Variants in NAGS observed in about 807,000 individuals in gnomAD.
NAGS encodes N-acetylglutamate synthase, mitochondrial.
Under a neutral mutation model 46.9 loss-of-function variants are expected in NAGS, and 34 were observed. The ratio of observed to expected loss-of-function variants is 0.72; its 90% confidence interval spans 0.55 to 0.97. The LOEUF is 0.97. Ranked by LOEUF, NAGS falls within the 50% of genes least tolerant of loss-of-function variation. The pLI is 0.00. For synonymous variants in NAGS, 334 were observed against 346.3 expected (o/e 0.96, Z 0.39); for missense variants, 665 against 747.0 (o/e 0.89, Z 1.28).
chr17:44,005,080 C>G lies in NAGS; in HGVS notation c.417C>G (p.Ala139=). 1 of 1,571,208 alleles carries G rather than the reference C, an allele frequency of 6.4e-7. No homozygotes were observed. The highest frequency in any genetic ancestry group is 8.6e-7 in the Non-Finnish European group (1 of 1,162,518). Residue 139 remains alanine, a synonymous_variant, in exon 1 of 7, where the codon GCC becomes GCG. Transcript: ENST00000293404. This position sits in a 1 kb window ranked among gnomAD's most constrained non-coding sequence, Gnocchi z 7.2. The part of the protein sequence containing the change: ...TCHHSADKPF[A]VIEVDEEVLK... ...ATCACTCCGCGGACAAGCCCTTCGC[C>G]GTCATCGAGGTGAGCGGAGCCCGGC... is the stretch of plus-strand genomic sequence containing the variant.
rs764374192 is a variant in NAGS at position 44,005,723 on chromosome 17, G to T, written c.513G>T (p.Pro171=). The T allele has an allele frequency of 1.9e-6, 3 of 1,596,074 alleles. No homozygotes were observed. The highest frequency in any genetic ancestry group is 2.6e-6 in the Non-Finnish European group (3 of 1,171,834). The stretch of plus-strand genomic sequence containing the variant: ...TCTTGCAGCGCATGGACATGAAGCC[G>T]CTGGTGGTCCTGGGGCTGCCGGCCC... ...LAFLQRMDMK[P]LVVLGLPAPT... Residue 171 remains proline (P), a synonymous_variant, in exon 2 of 7, where the codon CCG becomes CCT. Coordinates refer to ENST00000293404, the MANE Select transcript of NAGS (RefSeq NM_153006.3). The surrounding 1 kb of genome is among the most constrained non-coding windows in gnomAD (Gnocchi z 7.2).
In NAGS at chr17:44,004,956, G is replaced by T. The variant is rs1200106144; in HGVS notation, c.293G>T (p.Gly98Val). The change falls in exon 1 of 7, where the codon GGC (glycine) becomes GTC (valine). Residue 98 changes from glycine to valine, a missense_variant. Transcript: ENST00000293404. ...VPHESPEPPS[G>V]RSLVQRDIQA... is the part of the protein sequence containing the mutation. Reference sequence around the variant, plus strand: ...CACGAGTCCCCAGAGCCTCCTTCGGGCCGCTCGCTGGTGCAGCGGGACATC... The same window carrying T: ...CACGAGTCCCCAGAGCCTCCTTCGGTCCGCTCGCTGGTGCAGCGGGACATC... 1 of 1,538,036 alleles carries T rather than the reference G, an allele frequency of 6.5e-7. No homozygotes were observed.
At position 44,008,599 on chromosome 17, in the gene NAGS, T is replaced by C. The variant is rs1447212849; in HGVS notation, c.1603T>C (p.Ter535ArgextTer23). The C allele has an allele frequency of 1.2e-6, 2 of 1,613,520 alleles. No individual in the cohort carries two copies. The highest frequency in any genetic ancestry group is 1.7e-6 in the Non-Finnish European group (2 of 1,179,804). ...FHKPASDPGS[*>R] ...CAAGCCAGCTTCTGACCCAGGCAGC[T>C]GACCCTCACCATGGACACTACAGGC... The change falls in exon 7 of 7, where the codon TGA (stop) becomes CGA (arginine). Residue 535 changes from the stop codon to arginine, a stop_lost. Transcript: ENST00000293404.
chr17:44,007,208 G>A lies in NAGS; in HGVS notation c.1097-115G>A. On this transcript the variant is annotated intron_variant, in intron 4 of 6. Transcript: ENST00000293404. This position sits in a 1 kb window ranked among gnomAD's most constrained non-coding sequence, Gnocchi z 5.1. ...TGCAGACCACTGAAATCATTTCACT[G>A]TGGAGGTCTCCCAAAGACGGAAATT... 2.2e-6 allele frequency: 2 copies of A among 897,424 alleles called. No individual in the cohort carries two copies. The highest frequency in any genetic ancestry group is 1.7e-6 in the Non-Finnish European group (1 of 582,980). The allele number at this position is 897,424 out of a possible 1,614,324, so 55.6% of individuals were successfully genotyped here. A position where few individuals can be genotyped will look rare whatever the true frequency, so the allele number is the denominator to read the frequency against.
In NAGS at chr17:44,007,617, T is replaced by C. The variant is rs770559942; in HGVS notation, c.1295T>C (p.Met432Thr). 1 of 1,607,720 alleles carries C rather than the reference T, an allele frequency of 6.2e-7. No individual in the cohort carries two copies. The highest frequency in any genetic ancestry group is 2.2e-5 in the East Asian group (1 of 44,550). ...TACAACGCCGCCGCCATTCTGACCATGGAGCCCGTCCTGGGGGGCACCCCG... is the reference window on the plus strand; with the variant it reads ...TACAACGCCGCCGCCATTCTGACCACGGAGCCCGTCCTGGGGGGCACCCCG... The part of the protein sequence containing the change: ...EGYNAAAILT[M>T]EPVLGGTPYL... Residue 432 changes from methionine (M) to threonine (T), a missense_variant, in exon 6 of 7, where the codon ATG (methionine) becomes ACG (threonine). Physicochemically the swap from Met to Thr is moderately conservative, Grantham distance 81. Coordinates refer to ENST00000293404, the MANE Select transcript of NAGS (RefSeq NM_153006.3). This position sits in a 1 kb window ranked among gnomAD's most constrained non-coding sequence, Gnocchi z 5.1.
At position 44,006,906 on chromosome 17, in the gene NAGS, G is replaced by C; in HGVS notation, c.1096+197G>C. On this transcript the variant is annotated intron_variant, in intron 4 of 6. Transcript: ENST00000293404. This position sits in a 1 kb window ranked among gnomAD's most constrained non-coding sequence, Gnocchi z 4.8. ...AGGAGGAGACCCAGTGTACTGGAAG[G>C]GAACTCCGAAGGAATTAAAGGAATG... 1.6e-6 allele frequency: 1 copy of C among 619,650 alleles called. No individual in the cohort carries two copies. Among genetic ancestry groups the C allele is most frequent in the South Asian group, 2.1e-5 (1 of 47,392 alleles). The allele number at this position is 619,650 out of a possible 1,614,324, so 38.4% of individuals were successfully genotyped here. A position where few individuals can be genotyped will look rare whatever the true frequency, so the allele number is the denominator to read the frequency against.
At position 44,004,713 on chromosome 17, in the gene NAGS, C is replaced by A; in HGVS notation, c.50C>A (p.Pro17Gln). Residue 17 changes from proline to glutamine, a missense_variant, in exon 1 of 7, where the codon CCG becomes CAG. Pro to Gln is a moderately conservative substitution (Grantham distance 76). Transcript: ENST00000293404. ...AVVLRAAAVA[P>Q]RLRGRGGTGG... Reference sequence around the variant, plus strand: ...GTTCTGCGGGCAGCTGCTGTAGCCCCGAGGCTGAGAGGCCGGGGAGGCACT... The same window carrying A: ...GTTCTGCGGGCAGCTGCTGTAGCCCAGAGGCTGAGAGGCCGGGGAGGCACT... 1 of 1,506,752 alleles carries A rather than the reference C, an allele frequency of 6.6e-7. No individual in the cohort carries two copies. 93.3% of individuals were successfully genotyped at this position (1,506,752 alleles called of 1,614,324 possible). A position where few individuals can be genotyped will look rare whatever the true frequency, so the allele number is the denominator to read the frequency against.
chr17:44,006,725 G>C lies in NAGS; in HGVS notation c.1096+16G>C, dbSNP rs1567943227. On this transcript the variant is annotated intron_variant, in intron 4 of 6. Coordinates refer to ENST00000293404, the MANE Select transcript of NAGS (RefSeq NM_153006.3). This position sits in a 1 kb window ranked among gnomAD's most constrained non-coding sequence, Gnocchi z 4.8. The stretch of plus-strand genomic sequence containing the variant: ...AGCAACAAGGGTGAGGGCGGTGGGC[G>C]GGCCGGGGACTGGGTCCCGGGAGTG... The C allele has an allele frequency of 6.3e-7, 1 of 1,588,610 alleles. No homozygotes were observed. Among genetic ancestry groups the C allele is most frequent in the Non-Finnish European group, 8.6e-7 (1 of 1,164,048 alleles).
At position 44,006,221 on chromosome 17, in the gene NAGS, G is replaced by C. The variant is rs760596223; in HGVS notation, c.899G>C (p.Arg300Pro). The change falls in exon 3 of 7, where the codon CGC becomes CCC. Residue 300 changes from arginine (R) to proline (P), a missense_variant. Coordinates refer to ENST00000293404, the MANE Select transcript of NAGS (RefSeq NM_153006.3). The surrounding 1 kb of genome is among the most constrained non-coding windows in gnomAD (Gnocchi z 4.8). ...IIFLNNTGGL[R>P]DSSHKVLSNV... is the part of the protein sequence containing the mutation. ...TTCCTCAATAACACAGGCGGCCTGC[G>C]CGACAGCAGTCATAAGGTGCGGCCC... is the stretch of plus-strand genomic sequence containing the variant. 1.2e-6 allele frequency: 2 copies of C among 1,613,216 alleles called. No individual in the cohort carries two copies. The highest frequency in any genetic ancestry group is 1.7e-5 in the Admixed American group (1 of 60,022).
In NAGS at chr17:44,007,299, T is replaced by C. The variant is rs765529686; in HGVS notation, c.1097-24T>C. 3.7e-6 allele frequency: 6 copies of C among 1,612,638 alleles called. No homozygotes were observed. The highest frequency in any genetic ancestry group is 5.1e-6 in the Non-Finnish European group (6 of 1,179,466). On this transcript the variant is annotated intron_variant, in intron 4 of 6. Transcript: ENST00000293404. This position sits in a 1 kb window ranked among gnomAD's most constrained non-coding sequence, Gnocchi z 5.1. ...TGCGCAAACGGCCCTCCAGCCAGAC[T>C]AGCCCCTCCCCATCCTCCTCCAGGG...
In NAGS at chr17:44,005,062, C is replaced by T. The variant is rs1395771233; in HGVS notation, c.399C>T (p.Ser133=). The T allele has an allele frequency of 1.3e-6, 2 of 1,573,646 alleles. No individual in the cohort carries two copies. The highest frequency in any genetic ancestry group is 1.3e-5 in the African/African-American group (1 of 74,316). The change falls in exon 1 of 7, where the codon TCC becomes TCT. Residue 133 remains serine, a synonymous_variant. Coordinates refer to ENST00000293404, the MANE Select transcript of NAGS (RefSeq NM_153006.3). The surrounding 1 kb of genome is among the most constrained non-coding windows in gnomAD (Gnocchi z 7.2). ...CGCAGTTCCAGACCTGCCATCACTC[C>T]GCGGACAAGCCCTTCGCCGTCATCG... ...WLTQFQTCHH[S]ADKPFAVIEV...
Position 44,004,747 on chromosome 17 carries a change from C to A in NAGS, c.84C>A (p.Ala28=). The change falls in exon 1 of 7, where the codon GCC becomes GCA. Residue 28 remains alanine (A), a synonymous_variant. Coordinates refer to ENST00000293404, the MANE Select transcript of NAGS (RefSeq NM_153006.3). ...GAGGCCGGGGAGGCACTGGGGGCGC[C>A]CGAAGGCTGAGCTGTGGCGCGCGGC... ...RLRGRGGTGG[A]RRLSCGARRR... is the part of the protein sequence containing the mutation. 6.9e-7 allele frequency: 1 copy of A among 1,459,384 alleles called. No individual in the cohort carries two copies. The highest frequency in any genetic ancestry group is 9.0e-7 in the Non-Finnish European group (1 of 1,106,840). The allele number at this position is 1,459,384 out of a possible 1,614,324, so 90.4% of individuals were successfully genotyped here.
chr17:44,007,447 C>T lies in NAGS; in HGVS notation c.1221C>T (p.Tyr407=). ...TCGGCAAGAAGCTCAGGGACGACTA[C>T]CTGGCCTCGCTGCGCCCGCGGCTGC... ...ASFGKKLRDD[Y]LASLRPRLHS... The change falls in exon 5 of 7, where the codon TAC becomes TAT. Residue 407 remains tyrosine, a synonymous_variant. Transcript: ENST00000293404. This position sits in a 1 kb window ranked among gnomAD's most constrained non-coding sequence, Gnocchi z 5.1. The T allele has an allele frequency of 6.2e-7, 1 of 1,613,896 alleles. No individual in the cohort carries two copies. Among genetic ancestry groups the T allele is most frequent in the African/African-American group, 1.3e-5 (1 of 75,048 alleles).
At position 44,005,833 on chromosome 17, in the gene NAGS, G is replaced by A; in HGVS notation, c.623G>A (p.Arg208Gln). The change falls in exon 2 of 7, where the codon CGA (arginine) becomes CAA (glutamine). Residue 208 changes from arginine (R) to glutamine (Q), a missense_variant. By Grantham distance (43) the Arg-to-Gln change is conservative. Transcript: ENST00000293404. This position sits in a 1 kb window ranked among gnomAD's most constrained non-coding sequence, Gnocchi z 7.2. ...TGCAAGGTGCTGGTAGACGCGCTTC[G>A]ACACAACGCCGCCGCTGCTGTGCCA... ...KSCKVLVDALRHNAAAAVPFF... is the reference protein window; with the variant it reads ...KSCKVLVDALQHNAAAAVPFF... 6.4e-7 allele frequency: 1 copy of A among 1,571,216 alleles called. No homozygotes were observed. The highest frequency in any genetic ancestry group is 8.6e-7 in the Non-Finnish European group (1 of 1,159,844).
In NAGS at chr17:44,005,855, G is replaced by T. The variant is rs766418377; in HGVS notation, c.645G>T (p.Val215=). The part of the protein sequence containing the change: ...DALRHNAAAA[V]PFFGGGSVLR... Reference sequence around the variant, plus strand: ...TTCGACACAACGCCGCCGCTGCTGTGCCATTTTTTGGCGGCGGGTCTGTGC... The same window carrying T: ...TTCGACACAACGCCGCCGCTGCTGTTCCATTTTTTGGCGGCGGGTCTGTGC... Residue 215 remains valine, a synonymous_variant, in exon 2 of 7, where the codon GTG becomes GTT. Coordinates refer to ENST00000293404, the MANE Select transcript of NAGS (RefSeq NM_153006.3). This position sits in a 1 kb window ranked among gnomAD's most constrained non-coding sequence, Gnocchi z 7.2. The T allele has an allele frequency of 4.1e-5, 64 of 1,560,268 alleles. No individual in the cohort carries two copies. Among genetic ancestry groups the T allele is most frequent in the Non-Finnish European group, 5.3e-5 (61 of 1,154,478 alleles).
Position 44,007,198 on chromosome 17 carries a change from T to C in NAGS, c.1097-125T>C, listed in dbSNP as rs2049104967. The C allele has an allele frequency of 4.9e-6, 4 of 824,054 alleles. No homozygotes were observed. The highest frequency in any genetic ancestry group is 1.7e-5 in the South Asian group (1 of 59,014). The allele number at this position is 824,054 out of a possible 1,614,324, so 51.0% of individuals were successfully genotyped here. A position where few individuals can be genotyped will look rare whatever the true frequency, so the allele number is the denominator to read the frequency against. On this transcript the variant is annotated intron_variant, in intron 4 of 6. Coordinates refer to ENST00000293404, the MANE Select transcript of NAGS (RefSeq NM_153006.3). The surrounding 1 kb of genome is among the most constrained non-coding windows in gnomAD (Gnocchi z 5.1). ...GACAAATCTATGCAGACCACTGAAA[T>C]CATTTCACTGTGGAGGTCTCCCAAA...
Position 44,004,966 on chromosome 17 carries a change from G to A in NAGS, c.303G>A (p.Leu101=), listed in dbSNP as rs986684848. The A allele has an allele frequency of 6.5e-7, 1 of 1,540,016 alleles. No homozygotes were observed. The highest frequency in any genetic ancestry group is 8.7e-7 in the Non-Finnish European group (1 of 1,148,772). ...CAGAGCCTCCTTCGGGCCGCTCGCT[G>A]GTGCAGCGGGACATCCAGGCCTTCC... ...ESPEPPSGRS[L]VQRDIQAFLN... is the part of the protein sequence containing the mutation. Residue 101 remains leucine, a synonymous_variant, in exon 1 of 7, where the codon CTG becomes CTA. Coordinates refer to ENST00000293404, the MANE Select transcript of NAGS (RefSeq NM_153006.3).
chr17:44,006,105 C>G lies in NAGS; in HGVS notation c.783C>G (p.Ile261Met), dbSNP rs1230274018. 1 of 1,612,870 alleles carries G rather than the reference C, an allele frequency of 6.2e-7. No homozygotes were observed. Reference protein sequence around the residue: ...ESGSIPILCPIGETAARRSVL... With the variant: ...ESGSIPILCPMGETAARRSVL... ...GCAGCATCCCCATCCTGTGCCCCAT[C>G]GGGGAGACGGCCGCGCGCCGCTCCG... The change falls in exon 3 of 7, where the codon ATC becomes ATG. Residue 261 changes from isoleucine to methionine, a missense_variant. Coordinates refer to ENST00000293404, the MANE Select transcript of NAGS (RefSeq NM_153006.3). The surrounding 1 kb of genome is among the most constrained non-coding windows in gnomAD (Gnocchi z 4.8).
In NAGS at chr17:44,007,019, G is replaced by A. The variant is rs2143988867; in HGVS notation, c.1097-304G>A. 7.2e-6 allele frequency: 4 copies of A among 557,530 alleles called. No homozygotes were observed. Among genetic ancestry groups the A allele is most frequent in the Non-Finnish European group, 1.3e-5 (4 of 315,206 alleles). The allele number at this position is 557,530 out of a possible 1,614,324, so 34.5% of individuals were successfully genotyped here. A position where few individuals can be genotyped will look rare whatever the true frequency, so the allele number is the denominator to read the frequency against. ...GGGAGGTGTTCGACCGGGAGAGATG[G>A]GCGGGGCTTAGGTGGGTGGGCCGGG... On this transcript the variant is annotated intron_variant, in intron 4 of 6. Coordinates refer to ENST00000293404, the MANE Select transcript of NAGS (RefSeq NM_153006.3). This position sits in a 1 kb window ranked among gnomAD's most constrained non-coding sequence, Gnocchi z 5.1.
Sources: allele counts gnomAD v4.1 joint callset, GRCh38; gene constraint gnomAD v4.1.1; non-coding constraint Gnocchi (gnomAD v3.1); transcripts MANE v1.5; gene names NCBI Gene and HGNC (gene_info 2026-07-23, HGNC 2026-07-21).